Variants in KCNG3 observed in about 807,000 individuals in gnomAD.
The protein encoded by KCNG3 is voltage-gated potassium channel regulatory subunit KCNG3.
A neutral mutation model predicts 29.0 loss-of-function variants in KCNG3; 15 were observed. That is an observed-to-expected ratio of 0.52 (90% CI 0.35 to 0.80). The LOEUF (loss-of-function observed/expected upper bound fraction) is 0.80. KCNG3 is among the 30% of genes least tolerant of loss of function. The pLI is 0.01. For missense variants in KCNG3, 512 were observed against 605.7 expected (o/e 0.85, Z 1.62); for synonymous variants, 322 against 248.9 (o/e 1.29, Z -2.76).
intron 1 of KCNG3, among the ~76,000 whole-genome samples, chr2:42,479,761 A>T (rs1673535476): frequency 6.6e-6 from 1 of 152,210 alleles, no homozygotes; most frequent in East Asian, 1.9e-4. Context: ...CTGTAATCCC[A>T]GCACTTTGGG....
chr2:42,448,121 G>A (rs1292035606), intron 1 of KCNG3, among the ~76,000 whole-genome samples: 2 of 152,166 alleles, frequency 1.3e-5, no homozygotes, highest in African/African-American at 4.8e-5. Context: ...GAGCATCTTT[G>A]CACATGTTTA....
intron 1 of KCNG3, among the ~76,000 whole-genome samples, chr2:42,467,874 G>A (rs1184672698): frequency 1.3e-5 from 2 of 151,376 alleles, no homozygotes; most frequent in African/African-American, 2.4e-5. Context: ...GGGAGCTGAG[G>A]TGGGAGGATC....
At chr2:42,459,780 T>C (rs542277916) in intron 1 of KCNG3, among the ~76,000 whole-genome samples, 3 of 152,162 alleles carry the variant, frequency 2.0e-5, no homozygotes, top group African/African-American at 7.2e-5. Context: ...ATCGAGACCA[T>C]GCTGGCTAAC....
intron 1 of KCNG3, among the ~76,000 whole-genome samples, chr2:42,458,317 A>G (rs1672929109): frequency 1.3e-5 from 2 of 152,108 alleles, no homozygotes; most frequent in Admixed American, 1.3e-4. Context: ...ACTTTCCCTT[A>G]GCAGACAGGA....
Position 42,442,234 on chromosome 2 carries a change from G to C in KCNG3, c.*1700C>G, listed in dbSNP as rs1234144731. The stretch of plus-strand genomic sequence containing the variant: ...AGCAGTAATAGGGAAAATAGGGCAA[G>C]ATATTTAATGGCCAAACTATTACAT... On this transcript the variant is annotated 3_prime_UTR_variant, in exon 2 of 2. Coordinates refer to ENST00000306078, the MANE Select transcript of KCNG3 (RefSeq NM_133329.6). 6.6e-6 allele frequency: 1 copy of C among 152,172 alleles called. No individual in the cohort carries two copies. The highest frequency in any genetic ancestry group is 1.5e-5 in the Non-Finnish European group (1 of 68,040). 9.4% of individuals were successfully genotyped at this position (152,172 alleles called of 1,614,324 possible). A position where few individuals can be genotyped will look rare whatever the true frequency, so the allele number is the denominator to read the frequency against.
the KCNG3 span, among the ~76,000 whole-genome samples, chr2:42,410,602 T>A: frequency 6.6e-6 from 1 of 152,184 alleles, no homozygotes; most frequent in Non-Finnish European, 1.5e-5. Context: ...GACTTTATAT[T>A]TTCTATGTAA....
Position 42,468,620 on chromosome 2 carries a change from T to C in KCNG3, c.666-24041A>G, listed in dbSNP as rs146266266. ...AAGAATAGTGGAGTAAGTGGAATTATATACTATGTTCATGGATAATAAAAC... is the reference window on the plus strand; with the variant it reads ...AAGAATAGTGGAGTAAGTGGAATTACATACTATGTTCATGGATAATAAAAC... On this transcript the variant is annotated intron_variant, in intron 1 of 1. Transcript: ENST00000306078. 3.4e-3 allele frequency among the ~76,000 whole-genome samples: 519 copies of C among 152,260 alleles called. 4 individuals are homozygous for C. The highest frequency in any genetic ancestry group is 0.011 in the African/African-American group (475 of 41,556).
At chr2:42,404,985 C>T in the KCNG3 span, among the ~76,000 whole-genome samples, 2 of 152,352 alleles carry the variant, frequency 1.3e-5, no homozygotes, top group Admixed American at 6.5e-5. Context: ...CAAAAAAAGT[C>T]AGTCCAAAGT....
In KCNG3 at chr2:42,493,288, A is replaced by G; in HGVS notation, c.214T>C (p.Phe72Leu). The G allele has an allele frequency of 6.2e-7, 1 of 1,612,014 alleles. No homozygotes were observed. The highest frequency in any genetic ancestry group is 8.5e-7 in the Non-Finnish European group (1 of 1,179,654). ...FFDRHSEAFG[F>L]ILLYVRGHGK... ...TGGCCGCGCACGTAGAGCAGGATGA[A>G]GCCGAAGGCCTCCGAGTGCCGGTCG... The change falls in exon 1 of 2, where the codon TTC becomes CTC. Residue 72 changes from phenylalanine (F) to leucine (L), a missense_variant. Physicochemically the swap from Phe to Leu is conservative, Grantham distance 22. Coordinates refer to ENST00000306078, the MANE Select transcript of KCNG3 (RefSeq NM_133329.6).
At chr2:42,459,332 T>A (rs1267190204) in intron 1 of KCNG3, among the ~76,000 whole-genome samples, 1 of 152,116 alleles carries the variant, frequency 6.6e-6, no homozygotes, top group African/African-American at 2.4e-5. Context: ...TCTACCTCCC[T>A]CATGTCTTAT....
rs949781094 is a variant in KCNG3, at chr2:42,470,147, T to C, written c.665+22690A>G. ...GAATAGAAAGGATAAGGATGCTAAA[T>C]TCTGTCTGATTCTGATAGAGCGTCA... On this transcript the variant is annotated intron_variant, in intron 1 of 1. Transcript: ENST00000306078. 10 of 426,264 alleles carry C rather than the reference T, an allele frequency of 2.3e-5. No homozygotes were observed. In the East Asian group the frequency reaches 3.0e-4, roughly 13 times the overall value. 26.4% of individuals were successfully genotyped at this position (426,264 alleles called of 1,614,324 possible).
the KCNG3 span, among the ~76,000 whole-genome samples, chr2:42,421,282 G>C: frequency 6.6e-6 from 1 of 152,146 alleles, no homozygotes; most frequent in Admixed American, 6.5e-5. Flanking sequence ...CACATATAAG[G>C]CTGCTGTTCT....
At chr2:42,480,848 A>G (rs546399625) in intron 1 of KCNG3, among the ~76,000 whole-genome samples, 24 of 149,404 alleles carry the variant, frequency 1.6e-4, no homozygotes, top group African/African-American at 5.9e-4. Context: ...CAGTGGCGTG[A>G]TCTTGGCTCA....
the KCNG3 span, among the ~76,000 whole-genome samples, chr2:42,421,975 G>C: frequency 6.6e-6 from 1 of 152,152 alleles, no homozygotes; most frequent in African/African-American, 2.4e-5. Flanking sequence ...TATTACAAGA[G>C]ACACAGTGAG....
intron 1 of KCNG3, among the ~76,000 whole-genome samples, chr2:42,480,241 G>C (rs1673548916): frequency 6.6e-6 from 1 of 152,058 alleles, no homozygotes; most frequent in African/African-American, 2.4e-5. Context: ...TAGAAGACTA[G>C]AATCAGGCAT....
the KCNG3 span, among the ~76,000 whole-genome samples, chr2:42,397,861 T>A: frequency 6.6e-6 from 1 of 152,254 alleles, no homozygotes; most frequent in South Asian, 2.1e-4. Flanking sequence ...CCTTTTAGAG[T>A]CTGTTCACTC....
intron 1 of KCNG3, among the ~76,000 whole-genome samples, chr2:42,477,875 T>C (rs1453543700): frequency 1.0e-5 from 1 of 99,066 alleles, no homozygotes; most frequent in Non-Finnish European, 2.1e-5. Flanking sequence ...CAAGACCCCG[T>C]CTCAAAAAAT....
the KCNG3 span, chr2:42,425,077 C>G: frequency 6.6e-6 from 1 of 152,200 alleles, no homozygotes; most frequent in Non-Finnish European, 1.5e-5. Flanking sequence ...GGGATGCAAC[C>G]GCCATGCTGT....
the KCNG3 span, among the ~76,000 whole-genome samples, chr2:42,400,609 T>C: frequency 6.6e-6 from 1 of 152,152 alleles, no homozygotes; most frequent in African/African-American, 2.4e-5. Context: ...TAAATGAAGT[T>C]CATAGTTTTT....
Sources: allele counts gnomAD v4.1 joint callset (sites outside exome capture counted in the v4.1 genomes callset), GRCh38; gene constraint gnomAD v4.1.1; transcripts MANE v1.5; gene names NCBI Gene and HGNC (gene_info 2026-07-23, HGNC 2026-07-21).